The following AFG2A variants were observed in gnomAD, a reference collection of about 807,000 sequenced individuals.
AFG2A encodes ATPase family gene 2 protein homolog A.
the AFG2A span, among the ~76,000 whole-genome samples, chr4:123,157,660 A>G: frequency 6.6e-6 from 1 of 152,216 alleles, no homozygotes; most frequent in Non-Finnish European, 1.5e-5. Context: ...GTGGTATGGC[A>G]GTAGACAAGT....
At chr4:123,054,448 G>A in the AFG2A span, among the ~76,000 whole-genome samples, 7 of 150,532 alleles carry the variant, frequency 4.7e-5, no homozygotes, top group East Asian at 5.8e-4. Context: ...AGTCATTATC[G>A]TGAACATCAA....
the AFG2A span, among the ~76,000 whole-genome samples, chr4:123,297,872 A>G: frequency 1.3e-5 from 2 of 152,212 alleles, no homozygotes; most frequent in Admixed American, 6.5e-5. Context: ...TTGTGTTGCC[A>G]AGACAGAAAG....
chr4:123,299,458 T>C, the AFG2A span, among the ~76,000 whole-genome samples: 1 of 152,322 alleles, frequency 6.6e-6, no homozygotes, highest in South Asian at 2.1e-4. Flanking sequence ...TTGGCACTTG[T>C]TTCAATTATC....
At chr4:123,038,749 A>G in the AFG2A span, among the ~76,000 whole-genome samples, 6 of 152,144 alleles carry the variant, frequency 3.9e-5, no homozygotes, top group Admixed American at 2.6e-4. Context: ...AATTATTCCA[A>G]TGCGTATTTT....
At chr4:123,032,901 A>G in the AFG2A span, among the ~76,000 whole-genome samples, 1 of 152,198 alleles carries the variant, frequency 6.6e-6, no homozygotes, top group Non-Finnish European at 1.5e-5. Flanking sequence ...CATTCTGAGC[A>G]TGTTTAAGGT....
At chr4:123,079,852 C>A in the AFG2A span, among the ~76,000 whole-genome samples, 2 of 144,124 alleles carry the variant, frequency 1.4e-5, no homozygotes, top group African/African-American at 2.6e-5. Flanking sequence ...TGGGTTCAAG[C>A]GATTCTCCTG....
At chr4:123,119,186 G>T in the AFG2A span, among the ~76,000 whole-genome samples, 1 of 151,796 alleles carries the variant, frequency 6.6e-6, no homozygotes, top group Non-Finnish European at 1.5e-5. Flanking sequence ...TCAAGTAATT[G>T]TTAAACTAGA....
the AFG2A span, among the ~76,000 whole-genome samples, chr4:123,218,640 TATAC>T: frequency 0.68 from 100,469 of 147,658 alleles, 36,607 homozygotes; most frequent in East Asian, 0.85. Flanking sequence ...CATAAACACA[TATAC>T]ATACATACAT....
chr4:123,054,925 G>A, the AFG2A span, among the ~76,000 whole-genome samples: 6 of 151,252 alleles, frequency 4.0e-5, no homozygotes, highest in African/African-American at 1.2e-4. Context: ...CTGTTCTCTC[G>A]ACTTCTGGAC....
At chr4:123,086,473 C>T in the AFG2A span, among the ~76,000 whole-genome samples, 3 of 152,224 alleles carry the variant, frequency 2.0e-5, no homozygotes, top group South Asian at 6.2e-4. Context: ...CTTTGATTTT[C>T]TGCCTATGTG....
chr4:123,049,012 C>T, the AFG2A span, among the ~76,000 whole-genome samples: 6 of 151,942 alleles, frequency 3.9e-5, no homozygotes, highest in Admixed American at 6.6e-5. Flanking sequence ...TCATATATGC[C>T]CTTTATCAGA....
the AFG2A span, among the ~76,000 whole-genome samples, chr4:123,006,493 A>C: frequency 6.6e-6 from 1 of 151,742 alleles, no homozygotes; most frequent in Non-Finnish European, 1.5e-5. Context: ...TTCCTCTCTC[A>C]CTGGAGACTC....
chr4:122,996,766 G>T, the AFG2A span, among the ~76,000 whole-genome samples: 1 of 152,112 alleles, frequency 6.6e-6, no homozygotes, highest in Admixed American at 6.6e-5. Flanking sequence ...TCATAATCAA[G>T]GAAGCCAGTG....
the AFG2A span, among the ~76,000 whole-genome samples, chr4:123,283,467 GC>G: frequency 6.6e-6 from 1 of 152,084 alleles, no homozygotes; most frequent in Admixed American, 6.5e-5. Context: ...TTAAGCTAAT[GC>G]AAAAAAAGAA....
At chr4:123,289,791 A>AT in the AFG2A span, among the ~76,000 whole-genome samples, 109,764 of 151,938 alleles carry the variant, frequency 0.72, 40,883 homozygotes, top group Non-Finnish European at 0.81. Flanking sequence ...GCTGCTAAGC[A>AT]TTTTTTTATA....
At chr4:123,032,702 C>T in the AFG2A span, among the ~76,000 whole-genome samples, 1 of 152,244 alleles carries the variant, frequency 6.6e-6, no homozygotes. Context: ...GTATAAGCCA[C>T]CACGCCAGGC....
chr4:123,102,249 C>G, the AFG2A span: 4 of 131,396 alleles, frequency 3.0e-5, no homozygotes, highest in African/African-American at 1.1e-4. Context: ...ATAAAGCAAG[C>G]AGATATTATC....
chr4:123,264,539 AG>A, the AFG2A span, among the ~76,000 whole-genome samples: 4 of 152,164 alleles, frequency 2.6e-5, no homozygotes, highest in Admixed American at 2.6e-4. Context: ...GCACCTGTTT[AG>A]TGGCTAAAAT....
the AFG2A span, among the ~76,000 whole-genome samples, chr4:123,279,366 T>C: frequency 1.3e-5 from 2 of 151,298 alleles, no homozygotes; most frequent in Non-Finnish European, 2.9e-5. Context: ...GCCAGGATCA[T>C]GCCACGGCAC....
Sources: gnomAD v4.1 joint callset for allele counts (sites outside exome capture counted in the v4.1 genomes callset) on GRCh38, gnomAD v4.1.1 for gene constraint, MANE v1.5 for transcripts, NCBI Gene and HGNC (gene_info 2026-07-23, HGNC 2026-07-21) for gene names.